Variants in CENPK observed in about 807,000 individuals in gnomAD.
The protein encoded by CENPK is centromere protein K, also known as SoxLZ/Sox6-binding protein Solt.
Under a neutral mutation model 40.9 loss-of-function variants are expected in CENPK, and 46 were observed. The observed-to-expected ratio is 1.13, with a 90% CI of 0.89 to 1.44. The LOEUF (loss-of-function observed/expected upper bound fraction) is 1.44, where lower values mean the gene tolerates loss of function less well. Among genes scored for constraint, CENPK ranks in the 40% most tolerant of loss-of-function variants. The pLI, the probability that CENPK is intolerant of heterozygous loss-of-function variation, is 0.00. For synonymous variants in CENPK, 107 were observed against 104.4 expected (o/e 1.02, Z -0.15); for missense variants, 288 against 303.5 (o/e 0.95, Z 0.38).
intron 6 of CENPK, among the ~76,000 whole-genome samples, chr5:65,535,977 G>C (rs75481269): frequency 6.6e-6 from 1 of 152,176 alleles, no homozygotes; most frequent in Non-Finnish European, 1.5e-5. Context: ...GCTGCACTGC[G>C]ATAAGTTACT....
chr5:65,509,340 C>T, the CENPK span, among the ~76,000 whole-genome samples: 1 of 152,154 alleles, frequency 6.6e-6, no homozygotes, highest in East Asian at 1.9e-4. Flanking sequence ...GATATTTTTC[C>T]CACCTCCATA....
chr5:65,542,957 T>A, intron 5 of CENPK, 109 bp from the exon 6 acceptor site: 1 of 892,736 alleles, frequency 1.1e-6, no homozygotes, highest in Admixed American at 2.5e-5. Context: ...TCCATTTATA[T>A]AATATACAAC....
At chr5:65,496,713 TTG>T in the CENPK span, among the ~76,000 whole-genome samples, 2 of 152,120 alleles carry the variant, frequency 1.3e-5, no homozygotes, top group African/African-American at 4.8e-5. Flanking sequence ...TCTTTATACT[TTG>T]CTGTTTGTTT....
chr5:65,506,821 T>C, the CENPK span, among the ~76,000 whole-genome samples: 2 of 152,124 alleles, frequency 1.3e-5, no homozygotes, highest in Admixed American at 1.3e-4. Context: ...AATTTGTTTT[T>C]TCAAACATCT....
intron 9 of CENPK, among the ~76,000 whole-genome samples, chr5:65,523,024 G>A (rs1305714099): frequency 6.6e-6 from 1 of 152,128 alleles, no homozygotes; most frequent in Admixed American, 6.5e-5. Flanking sequence ...AGCTAAAAAT[G>A]TCTTCCTTAT....
downstream of CENPK, among the ~76,000 whole-genome samples, chr5:65,514,056 A>G (rs1412426304): frequency 1.3e-5 from 2 of 152,028 alleles, no homozygotes; most frequent in East Asian, 3.9e-4. Context: ...CCTGAAATAA[A>G]TGCCACCTGA....
intron 5 of CENPK, chr5:65,550,646 C>G (rs990802438): frequency 6.6e-6 from 1 of 152,060 alleles, no homozygotes; most frequent in African/African-American, 2.4e-5. Flanking sequence ...GACACAGGCT[C>G]GCCACAAACT....
intron 5 of CENPK, among the ~76,000 whole-genome samples, chr5:65,543,769 C>T (rs937268039): frequency 1.3e-5 from 2 of 152,108 alleles, no homozygotes; most frequent in East Asian, 3.9e-4. Context: ...GCTCTCATTT[C>T]TATAGAACAG....
chr5:65,509,557 T>C, the CENPK span, among the ~76,000 whole-genome samples: 1 of 152,246 alleles, frequency 6.6e-6, no homozygotes, highest in Non-Finnish European at 1.5e-5. Flanking sequence ...ATGTCGGTGT[T>C]CCTTCCAATT....
At chr5:65,499,023 G>A in the CENPK span, among the ~76,000 whole-genome samples, 1 of 151,484 alleles carries the variant, frequency 6.6e-6, no homozygotes, top group Admixed American at 6.6e-5. Flanking sequence ...TTATGTTTCA[G>A]GACTTTCTTT....
chr5:65,555,082 G>A, intron 2 of CENPK, 136 bp from the exon 3 acceptor site: 1 of 521,478 alleles, frequency 1.9e-6, no homozygotes, highest in Non-Finnish European at 3.3e-6. Context: ...CTTATTCTAA[G>A]TAAGGAAAAC....
At chr5:65,545,488 C>A (rs185855664) in intron 5 of CENPK, among the ~76,000 whole-genome samples, 97 of 152,076 alleles carry the variant, frequency 6.4e-4, no homozygotes, top group Non-Finnish European at 2.4e-4. Context: ...GAAAACAACC[C>A]TGAATTGCAC....
At chr5:65,553,038 T>G (rs1464038244) in intron 3 of CENPK, among the ~76,000 whole-genome samples, 1 of 152,132 alleles carries the variant, frequency 6.6e-6, no homozygotes, top group African/African-American at 2.4e-5. Flanking sequence ...ATGCAGCATT[T>G]CTCTATACAA....
At chr5:65,497,819 A>G in the CENPK span, among the ~76,000 whole-genome samples, 1 of 152,214 alleles carries the variant, frequency 6.6e-6, no homozygotes, top group Non-Finnish European at 1.5e-5. Flanking sequence ...GCAATGAGCT[A>G]TGATTGTGCC....
At chr5:65,527,498 C>CATAT (rs70983674) in intron 9 of CENPK, among the ~76,000 whole-genome samples, 6 of 91,718 alleles carry the variant, frequency 6.5e-5, no homozygotes, top group Non-Finnish European at 8.3e-5. Flanking sequence ...TTATTAACAC[C>CATAT]ATATATATAT....
chr5:65,513,137 C>G (rs896430215), downstream of CENPK, among the ~76,000 whole-genome samples: 1 of 152,114 alleles, frequency 6.6e-6, no homozygotes. Context: ...TTCATTTTAA[C>G]AGTGTCCTTC....
downstream of CENPK, among the ~76,000 whole-genome samples, chr5:65,514,862 TTTA>T (rs1742754022): frequency 6.6e-6 from 1 of 152,236 alleles, no homozygotes; most frequent in African/African-American, 2.4e-5. Flanking sequence ...ATATCATTCC[TTTA>T]TTATCCTTCT....
chr5:65,561,639 C>A, intron 1 of CENPK, 75 bp from the exon 2 acceptor site: 2 of 328,682 alleles, frequency 6.1e-6, no homozygotes, highest in South Asian at 2.4e-5. Context: ...GAACTTTTCC[C>A]GTTCCCACAT....
chr5:65,559,372 G>A (rs1333420764), intron 2 of CENPK, among the ~76,000 whole-genome samples: 3 of 152,154 alleles, frequency 2.0e-5, no homozygotes, highest in Admixed American at 6.5e-5. Context: ...GCTCACGCCT[G>A]TAATCCCAGC....
Sources: gnomAD v4.1 joint callset for allele counts (sites outside exome capture counted in the v4.1 genomes callset) on GRCh38, gnomAD v4.1.1 for gene constraint, MANE v1.5 for transcripts, NCBI Gene and HGNC (gene_info 2026-07-23, HGNC 2026-07-21) for gene names.